PBLD: variants seen among roughly 807,000 people sequenced by gnomAD.
PBLD encodes the protein phenazine biosynthesis-like domain-containing protein.
Under a neutral mutation model 31.3 loss-of-function variants are expected in PBLD, and 26 were observed. The ratio of observed to expected loss-of-function variants is 0.83; its 90% CI spans 0.61 to 1.15. PBLD has a LOEUF of 1.15. Among genes scored for constraint, PBLD ranks in the 50% most tolerant of loss-of-function variants. PBLD has a pLI of 0.00. For synonymous variants in PBLD, 114 were observed against 129.0 expected (o/e 0.88, Z 0.79); for missense variants, 307 against 351.7 (o/e 0.87, Z 1.02).
intron 9 of PBLD, chr10:68,285,050 A>T: frequency 8.0e-7 from 1 of 1,246,890 alleles, no homozygotes; most frequent in Non-Finnish European, 1.0e-6. Flanking sequence ...TCCAGTCTCA[A>T]CCCATCACAT....
At chr10:68,289,056 C>T (rs761522666) in intron 6 of PBLD, 37 bp from the exon 7 acceptor site, 5 of 1,533,960 alleles carry the variant, frequency 3.3e-6, no homozygotes, top group Non-Finnish European at 4.5e-6. Context: ...AGGGACATGC[C>T]CTGGGCCAAG....
At chr10:68,295,685 C>T (rs987728539) in intron 4 of PBLD, among the ~76,000 whole-genome samples, 4 of 152,068 alleles carry the variant, frequency 2.6e-5, no homozygotes, top group African/African-American at 9.7e-5. Flanking sequence ...AGCATGGTGC[C>T]TCACGCCTAT....
At chr10:68,323,715 T>C (rs901619557) in intron 1 of PBLD, among the ~76,000 whole-genome samples, 2 of 152,220 alleles carry the variant, frequency 1.3e-5, no homozygotes, top group Non-Finnish European at 2.9e-5. Context: ...TAATAGAGTA[T>C]ACTTCCTTTT....
intron 4 of PBLD, 63 bp from the exon 5 acceptor site, chr10:68,292,301 C>T (rs1444205277): frequency 1.5e-6 from 2 of 1,354,398 alleles, no homozygotes; most frequent in Non-Finnish European, 2.1e-6. Flanking sequence ...ATGTCCATTT[C>T]AAACACCTTT....
chr10:68,298,845 A>G (rs1049754060), intron 2 of PBLD, among the ~76,000 whole-genome samples: 3 of 151,878 alleles, frequency 2.0e-5, no homozygotes, highest in African/African-American at 7.3e-5. Context: ...GGTGGCTCAC[A>G]CCTGTAATCC....
At chr10:68,301,036 A>G (rs2044499083) in intron 2 of PBLD, among the ~76,000 whole-genome samples, 1 of 152,082 alleles carries the variant, frequency 6.6e-6, no homozygotes, top group Non-Finnish European at 1.5e-5. Context: ...AGCTGGGATT[A>G]CAAGTGTGTG....
chr10:68,311,459 G>A (rs146617295), intron 1 of PBLD, among the ~76,000 whole-genome samples: 7,463 of 152,112 alleles, frequency 0.049, 271 homozygotes, highest in East Asian at 0.18. Flanking sequence ...GGTGGCGGGC[G>A]CCTGTAGTCC....
Position 68,283,980 on chromosome 10 carries a change from C to CTGAG in PBLD, c.*196_*197insCTCA, listed in dbSNP as rs1015820966. On this transcript the variant is annotated 3_prime_UTR_variant, in exon 10 of 10. Coordinates refer to ENST00000358769, the MANE Select transcript of PBLD (RefSeq NM_022129.4). ...CAGGCTGGTGTCGAACCCCTGACCT[C>CTGAG]AGGTGATCCACCCACCTTGGCCTCT... 11 of 460,726 alleles carry CTGAG rather than the reference C, an allele frequency of 2.4e-5. No individual in the cohort carries two copies. Among genetic ancestry groups the CTGAG allele is most frequent in the African/African-American group, 2.2e-4 (11 of 50,368 alleles). 28.5% of individuals were successfully genotyped at this position (460,726 alleles called of 1,614,324 possible). A position where few individuals can be genotyped will look rare whatever the true frequency, so the allele number is the denominator to read the frequency against.
chr10:68,321,253 T>A (rs548218008), intron 1 of PBLD, among the ~76,000 whole-genome samples: 8 of 152,362 alleles, frequency 5.3e-5, no homozygotes, highest in African/African-American at 1.7e-4. Flanking sequence ...TATGGAGAAC[T>A]GACTGTAGCT....
chr10:68,298,669 T>C (rs1008102253), intron 2 of PBLD, among the ~76,000 whole-genome samples: 2 of 152,128 alleles, frequency 1.3e-5, no homozygotes, highest in South Asian at 2.1e-4. Context: ...AGTCATTTAA[T>C]CTTATGGCCT....
In PBLD at chr10:68,293,696, T is replaced by A. The variant is rs937581887; in HGVS notation, c.284-1458A>T. Among the ~76,000 whole-genome samples the A allele has an allele frequency of 2.6e-5, 4 of 152,322 alleles. 1 individual carries two copies. The highest frequency in any genetic ancestry group is 1.3e-4 in the Admixed American group (2 of 15,294). On this transcript the variant is annotated intron_variant, in intron 4 of 9. Transcript: ENST00000358769. Reference sequence around the variant, plus strand: ...AACCTCAGCATCAAACCAACCCACGTGGAGTCCAGTTTTCAAAAGACACTC... The same window carrying A: ...AACCTCAGCATCAAACCAACCCACGAGGAGTCCAGTTTTCAAAAGACACTC...
chr10:68,317,994 A>G (rs1436116817), intron 1 of PBLD, among the ~76,000 whole-genome samples: 4 of 151,980 alleles, frequency 2.6e-5, no homozygotes, highest in East Asian at 1.9e-4. Flanking sequence ...TTGGGTGGCC[A>G]AGGTGGGCAG....
At chr10:68,288,859 C>A in intron 7 of PBLD, 72 bp downstream of exon 7, 1 of 1,445,550 alleles carries the variant, frequency 6.9e-7, no homozygotes, top group Non-Finnish European at 9.7e-7. Flanking sequence ...CACAGCACAG[C>A]CAGACTAAGG....
At position 68,288,382 on chromosome 10, in the gene PBLD, A is replaced by G. The variant is rs990901152; in HGVS notation, c.691+101T>C. The G allele has an allele frequency of 2.3e-6, 3 of 1,333,210 alleles. No individual in the cohort carries two copies. The Admixed American group carries it at 7.3e-5, about 32-fold the overall frequency. 82.6% of individuals were successfully genotyped at this position (1,333,210 alleles called of 1,614,324 possible). A position where few individuals can be genotyped will look rare whatever the true frequency, so the allele number is the denominator to read the frequency against. Reference sequence around the variant, plus strand: ...AGATAGAGGAACAAGGCAGCTCAAAACTCAAGCCACCTGAAAGGTCACAGG... The same window carrying G: ...AGATAGAGGAACAAGGCAGCTCAAAGCTCAAGCCACCTGAAAGGTCACAGG... On this transcript the variant is annotated intron_variant, in intron 8 of 9. Coordinates refer to ENST00000358769, the MANE Select transcript of PBLD (RefSeq NM_022129.4).
Position 68,306,890 on chromosome 10 carries a change from C to G in PBLD, c.-46G>C. On this transcript the variant is annotated 5_prime_UTR_variant, in exon 2 of 10. Coordinates refer to ENST00000358769, the MANE Select transcript of PBLD (RefSeq NM_022129.4). ...GCAAGTTCTCAAAATTGCTGGTAGC[C>G]TGCTTTACGTCTTCTTCTTGGAAAA... 1 of 1,453,936 alleles carries G rather than the reference C, an allele frequency of 6.9e-7. No homozygotes were observed. The highest frequency in any genetic ancestry group is 9.6e-7 in the Non-Finnish European group (1 of 1,040,212). The allele number at this position is 1,453,936 out of a possible 1,614,324, so 90.1% of individuals were successfully genotyped here.
At chr10:68,330,759 T>TGTGTGTGTGTGTGTGTGTG (rs2045043713) in intron 1 of PBLD, among the ~76,000 whole-genome samples, 1 of 145,512 alleles carries the variant, frequency 6.9e-6, no homozygotes, top group Non-Finnish European at 1.5e-5. Flanking sequence ...TGTGTGTGTA[T>TGTGTGTGTGTGTGTGTGTG]TTTTAGTAGA....
chr10:68,295,254 A>G (rs2044409093), intron 4 of PBLD, among the ~76,000 whole-genome samples: 1 of 152,146 alleles, frequency 6.6e-6, no homozygotes, highest in East Asian at 1.9e-4. Context: ...GCACTTTGGG[A>G]GGCCAAGGTG....
At chr10:68,307,797 C>A (rs941686728) in intron 1 of PBLD, among the ~76,000 whole-genome samples, 1 of 152,166 alleles carries the variant, frequency 6.6e-6, no homozygotes, top group Non-Finnish European at 1.5e-5. Context: ...CCGCACCCGG[C>A]CGCTTAAGCT....
intron 1 of PBLD, chr10:68,331,526 G>A (rs2045090206): frequency 6.6e-6 from 1 of 152,304 alleles, no homozygotes; most frequent in South Asian, 2.1e-4. Context: ...CAGCCCGAGA[G>A]CCGAAATCGG....
Sources: gnomAD v4.1 joint callset for allele counts (sites outside exome capture counted in the v4.1 genomes callset) on GRCh38, gnomAD v4.1.1 for gene constraint, MANE v1.5 for transcripts, NCBI Gene and HGNC (gene_info 2026-07-23, HGNC 2026-07-21) for gene names.